Variants in LTN1 observed in about 807,000 individuals in gnomAD.
LTN1 encodes listerin E3 ubiquitin protein ligase 1.
LTN1 carries 88 observed loss-of-function variants against 201.2 expected under a neutral mutation model. The observed-to-expected ratio is 0.44, with a 90% CI of 0.37 to 0.52. LTN1 has a LOEUF of 0.52. Ranked by LOEUF, LTN1 falls within the 20% of genes least tolerant of loss-of-function variation. LTN1 has a pLI of 0.00. For missense variants in LTN1, 1,752 were observed against 2,038.7 expected, an observed-to-expected ratio of 0.86 and a Z score of 2.71; for synonymous variants, 645 against 713.5, an observed-to-expected ratio of 0.90 and a Z score of 1.53.
intron 8 of LTN1, among the ~76,000 whole-genome samples, chr21:28,970,059 T>TA (rs1001119311): frequency 2.0e-5 from 3 of 152,032 alleles, no homozygotes; most frequent in Non-Finnish European, 4.4e-5. Flanking sequence ...AATGGTGTAG[T>TA]AAAAAAAATC....
intron 6 of LTN1, among the ~76,000 whole-genome samples, chr21:28,975,123 A>G: frequency 6.6e-6 from 1 of 152,260 alleles, no homozygotes; most frequent in East Asian, 1.9e-4. Context: ...AGGATAAGAC[A>G]GTTAACTGAT....
intron 6 of LTN1, among the ~76,000 whole-genome samples, chr21:28,978,454 A>T (rs1196154133): frequency 6.6e-6 from 1 of 152,212 alleles, no homozygotes; most frequent in Non-Finnish European, 1.5e-5. Flanking sequence ...ATGTAACTAG[A>T]TCTATACTTA....
At chr21:28,976,027 A>G (rs1030938595) in intron 6 of LTN1, among the ~76,000 whole-genome samples, 3 of 152,202 alleles carry the variant, frequency 2.0e-5, no homozygotes, top group Non-Finnish European at 4.4e-5. Flanking sequence ...AGAAAAGACA[A>G]ATCTAATCTG....
Position 28,929,361 on chromosome 21 carries a change from T to C in LTN1, c.*1087A>G, listed in dbSNP as rs954159411. 12 of 152,594 alleles carry C rather than the reference T, an allele frequency of 7.9e-5. No individual in the cohort carries two copies. Among genetic ancestry groups the C allele is most frequent in the African/African-American group, 2.9e-4 (12 of 41,444 alleles). 9.5% of individuals were successfully genotyped at this position (152,594 alleles called of 1,614,324 possible). A position where few individuals can be genotyped will look rare whatever the true frequency, so the allele number is the denominator to read the frequency against. ...TTCTAAAGTTCCACACTTTTATATT[T>C]TGGGCACAATTTTTAAGAGTGGCAA... On this transcript the variant is annotated 3_prime_UTR_variant, in exon 30 of 30. Transcript: ENST00000361371.
intron 6 of LTN1, among the ~76,000 whole-genome samples, chr21:28,975,340 A>G (rs1454053129): frequency 6.6e-6 from 1 of 152,262 alleles, no homozygotes; most frequent in Non-Finnish European, 1.5e-5. Flanking sequence ...AGATTACAAC[A>G]GACACCTCCA....
Position 28,990,556 on chromosome 21 carries a change from A to G in LTN1, c.42+2208T>C, listed in dbSNP as rs773762974. Among the ~76,000 whole-genome samples, 7 of 152,366 alleles carry G rather than the reference A, an allele frequency of 4.6e-5. 1 individual carries two copies. The highest frequency in any genetic ancestry group is 7.3e-5 in the Non-Finnish European group (5 of 68,032). On this transcript the variant is annotated intron_variant, in intron 1 of 29. Transcript: ENST00000361371. ...AGGACATTCACAGTTTCAAACTAACATATTATTTGTTATTGGCCAATGGAA... is the reference window on the plus strand; with the variant it reads ...AGGACATTCACAGTTTCAAACTAACGTATTATTTGTTATTGGCCAATGGAA...
chr21:28,974,562 G>A (rs781646864), intron 6 of LTN1, among the ~76,000 whole-genome samples: 13 of 152,218 alleles, frequency 8.5e-5, no homozygotes, highest in Middle Eastern at 3.4e-3. Flanking sequence ...GGCTGTGGTC[G>A]CCATCACAAA....
chr21:28,977,883 G>A (rs1600998483), intron 6 of LTN1, among the ~76,000 whole-genome samples: 2 of 151,898 alleles, frequency 1.3e-5, no homozygotes, highest in East Asian at 1.9e-4. Flanking sequence ...AGCTGAGATC[G>A]TGCCACTGCA....
chr21:28,944,717 G>GATTACACACCTCAACT, intron 21 of LTN1, 121 bp from the exon 22 acceptor site: 1 of 690,114 alleles, frequency 1.4e-6, no homozygotes, highest in Non-Finnish European at 2.4e-6. Flanking sequence ...AAGCAGTTGA[G>GATTACACACCTCAACT]GTGTGTAATC....
rs760602588 is a variant in LTN1 at position 28,966,423 on chromosome 21, G to T, written c.2068C>A (p.Arg690=). 1 of 1,613,972 alleles carries T rather than the reference G, an allele frequency of 6.2e-7. No individual in the cohort carries two copies. The highest frequency in any genetic ancestry group is 8.5e-7 in the Non-Finnish European group (1 of 1,179,964). The change falls in exon 10 of 30, where the codon CGG becomes AGG. Residue 690 remains arginine (R), a synonymous_variant. Transcript: ENST00000361371. The stretch of plus-strand genomic sequence containing the variant: ...CTTTCCATATCATTGTCACAGCACC[G>T]GAGAGCACTGTACAAAATGTCCACC... ...FLVDILYSAL[R]CCDNDMERKK...
chr21:28,966,546 T>C lies in LTN1; in HGVS notation c.1945A>G (p.Ile649Val). The change falls in exon 10 of 30, where the codon ATA becomes GTA. Residue 649 changes from isoleucine (I) to valine (V), a missense_variant. By Grantham distance (29) the Ile-to-Val change is conservative. Coordinates refer to ENST00000361371, the MANE Select transcript of LTN1 (RefSeq NM_015565.3). The part of the protein sequence containing the change: ...QSIVQAKPLE[I>V]AKLVQKNPAV... ...GGATTTTTTTGTACAAGCTTGGCTATTTCAAGAGGTTTGGCTTGGACAATA... is the reference window on the plus strand; with the variant it reads ...GGATTTTTTTGTACAAGCTTGGCTACTTCAAGAGGTTTGGCTTGGACAATA... The C allele has an allele frequency of 6.2e-7, 1 of 1,614,148 alleles. No homozygotes were observed. Among genetic ancestry groups the C allele is most frequent in the South Asian group, 1.1e-5 (1 of 91,086 alleles).
chr21:28,941,147 A>C, intron 25 of LTN1, 73 bp downstream of exon 25: 1 of 994,722 alleles, frequency 1.0e-6, no homozygotes, highest in South Asian at 1.6e-5. Flanking sequence ...ATTAAACTGA[A>C]AGGAAGGTAT....
chr21:28,984,600 C>T (rs2084682623), intron 4 of LTN1, 92 bp downstream of exon 4: 1 of 849,834 alleles, frequency 1.2e-6, no homozygotes, highest in Admixed American at 2.6e-5. Flanking sequence ...TACTCATTCC[C>T]CTACAATCCC....
At chr21:28,935,031 G>T in intron 27 of LTN1, 78 bp downstream of exon 27, 2 of 933,830 alleles carry the variant, frequency 2.1e-6, no homozygotes, top group Non-Finnish European at 3.4e-6. Context: ...AAGAGCTACA[G>T]TCTGTTATGA....
At chr21:28,965,841 A>G (rs769025181) in intron 11 of LTN1, 24 bp downstream of exon 11, 3 of 1,330,460 alleles carry the variant, frequency 2.3e-6, no homozygotes, top group African/African-American at 1.5e-5. Flanking sequence ...CAAAAAAAAA[A>G]AGAAAAAAAA....
rs770105847 is a variant in LTN1 at position 28,970,527 on chromosome 21, A to G, written c.1175+25T>C. On this transcript the variant is annotated intron_variant, in intron 8 of 29. Coordinates refer to ENST00000361371, the MANE Select transcript of LTN1 (RefSeq NM_015565.3). The stretch of plus-strand genomic sequence containing the variant: ...AAACAAGAAAATCTGTTTTGTTTTA[A>G]AAATCAAAAATTTAAATTACTTACC... The G allele has an allele frequency of 7.9e-6, 12 of 1,520,446 alleles. No individual in the cohort carries two copies. The East Asian group carries it at 2.7e-4, about 35-fold the overall frequency. 94.2% of individuals were successfully genotyped at this position (1,520,446 alleles called of 1,614,324 possible). A position where few individuals can be genotyped will look rare whatever the true frequency, so the allele number is the denominator to read the frequency against.
intron 24 of LTN1, among the ~76,000 whole-genome samples, chr21:28,942,849 T>C (rs951734810): frequency 8.5e-5 from 13 of 152,356 alleles, no homozygotes; most frequent in Admixed American, 2.0e-4. Context: ...ACTTATCATA[T>C]ACTATATTTT....
At position 28,986,941 on chromosome 21, in the gene LTN1, A is replaced by C; in HGVS notation, c.43-7T>G. The C allele has an allele frequency of 1.2e-6, 2 of 1,609,256 alleles. No homozygotes were observed. Among genetic ancestry groups the C allele is most frequent in the South Asian group, 1.1e-5 (1 of 90,966 alleles). ...CTCGGCCACTGTTTGAAGGCTGATAAGAAAATTACGGAGAAAAAAGTCAGA... is the reference window on the plus strand; with the variant it reads ...CTCGGCCACTGTTTGAAGGCTGATACGAAAATTACGGAGAAAAAAGTCAGA... On this transcript the variant is annotated splice_region_variant and splice_polypyrimidine_tract_variant and intron_variant, in intron 1 of 29. Coordinates refer to ENST00000361371, the MANE Select transcript of LTN1 (RefSeq NM_015565.3). The surrounding 1 kb of genome is among the most constrained non-coding windows in gnomAD (Gnocchi z 4.1).
At chr21:28,960,942 C>G in intron 11 of LTN1, 1 of 340,972 alleles carries the variant, frequency 2.9e-6, no homozygotes, top group Non-Finnish European at 5.3e-6. Context: ...TTCCCCCACC[C>G]CCCCCTTTTT....
Sources: allele counts gnomAD v4.1 joint callset (sites outside exome capture counted in the v4.1 genomes callset), GRCh38; gene constraint gnomAD v4.1.1; non-coding constraint Gnocchi (gnomAD v3.1); transcripts MANE v1.5; gene names NCBI Gene and HGNC (gene_info 2026-07-23, HGNC 2026-07-21).